GLIS3: variants seen among roughly 807,000 people sequenced by gnomAD.
The protein encoded by GLIS3 is GLIS family zinc finger 3.
Under a neutral mutation model 78.6 loss-of-function variants are expected in GLIS3, and 53 were observed. That is an observed-to-expected ratio of 0.67 (90% CI 0.54 to 0.85). The LOEUF (loss-of-function observed/expected upper bound fraction) is 0.85, where lower values mean the gene tolerates loss of function less well. Ranked by LOEUF, GLIS3 falls within the 40% of genes least tolerant of loss-of-function variation. The pLI is 0.00. For missense variants in GLIS3, 1,703 were observed against 1,231.1 expected (o/e 1.38, Z -5.74); for synonymous variants, 684 against 509.9 (o/e 1.34, Z -4.60).
the GLIS3 span, among the ~76,000 whole-genome samples, chr9:4,404,028 A>G: frequency 6.6e-6 from 1 of 152,202 alleles, no homozygotes; most frequent in Non-Finnish European, 1.5e-5. Flanking sequence ...AAGAGATGGA[A>G]AAAGATAATC....
chr9:4,341,696 T>G (rs1817836285), intron 2 of GLIS3, among the ~76,000 whole-genome samples: 3 of 152,234 alleles, frequency 2.0e-5, no homozygotes, highest in Non-Finnish European at 4.4e-5. Context: ...CCAGCTCTGA[T>G]AACTGTGCCC....
At chr9:4,415,611 A>T in the GLIS3 span, among the ~76,000 whole-genome samples, 1 of 152,174 alleles carries the variant, frequency 6.6e-6, no homozygotes, top group Non-Finnish European at 1.5e-5. Flanking sequence ...AAGCCTGAAA[A>T]AATTGCATAT....
chr9:4,428,524 G>C, the GLIS3 span, among the ~76,000 whole-genome samples: 3 of 148,116 alleles, frequency 2.0e-5, no homozygotes, highest in African/African-American at 7.4e-5. Context: ...CCTAAAGAAG[G>C]GAAAGAATGA....
chr9:4,114,024 G>T (rs558455731), intron 4 of GLIS3, among the ~76,000 whole-genome samples: 2 of 61,242 alleles, frequency 3.3e-5, no homozygotes, highest in Admixed American at 2.2e-4. Flanking sequence ...GGAGGCCCAC[G>T]TTCCCCCAAT....
chr9:4,429,120 A>G, the GLIS3 span, among the ~76,000 whole-genome samples: 1 of 152,178 alleles, frequency 6.6e-6, no homozygotes, highest in Non-Finnish European at 1.5e-5. Flanking sequence ...GCAGTTCCAT[A>G]GCATTCAACC....
chr9:4,165,632 G>T (rs952653625), intron 2 of GLIS3, among the ~76,000 whole-genome samples: 5 of 152,198 alleles, frequency 3.3e-5, no homozygotes, highest in African/African-American at 1.2e-4. Flanking sequence ...CCTGCTCCGG[G>T]CTGATGCCTG....
At chr9:4,265,307 A>T (rs1825891793) in intron 2 of GLIS3, among the ~76,000 whole-genome samples, 1 of 152,014 alleles carries the variant, frequency 6.6e-6, no homozygotes, top group Non-Finnish European at 1.5e-5. Flanking sequence ...AGCATTTCTC[A>T]TGTACCAGGC....
At chr9:3,934,180 G>A (rs746515009) in intron 5 of GLIS3, among the ~76,000 whole-genome samples, 1 of 152,152 alleles carries the variant, frequency 6.6e-6, no homozygotes, top group Non-Finnish European at 1.5e-5. Flanking sequence ...AATCTTTTCT[G>A]AATTTGCATA....
At chr9:4,477,669 C>G in the GLIS3 span, among the ~76,000 whole-genome samples, 2 of 152,152 alleles carry the variant, frequency 1.3e-5, no homozygotes, top group Non-Finnish European at 2.9e-5. Flanking sequence ...CCGCCTGGGC[C>G]TCCCAAAGTG....
chr9:4,359,291 T>C, the GLIS3 span, among the ~76,000 whole-genome samples: 1 of 152,098 alleles, frequency 6.6e-6, no homozygotes, highest in Admixed American at 6.6e-5. Flanking sequence ...AACTGGCATA[T>C]GGCTCATCAG....
chr9:3,963,353 G>C (rs552700491), intron 4 of GLIS3, among the ~76,000 whole-genome samples: 1 of 152,174 alleles, frequency 6.6e-6, no homozygotes, highest in Non-Finnish European at 1.5e-5. Context: ...GGCAGTGAGA[G>C]TATGCTGGAA....
chr9:4,460,012 T>C, the GLIS3 span, among the ~76,000 whole-genome samples: 1 of 152,148 alleles, frequency 6.6e-6, no homozygotes, highest in East Asian at 1.9e-4. Context: ...TAAAAGTTTG[T>C]GCCGCTAAAG....
intron 4 of GLIS3, among the ~76,000 whole-genome samples, chr9:4,028,849 G>C (rs1197894202): frequency 2.6e-5 from 4 of 152,156 alleles, no homozygotes; most frequent in African/African-American, 7.2e-5. Context: ...TAGCAGTGAA[G>C]ATAATAAAGG....
intron 2 of GLIS3, among the ~76,000 whole-genome samples, chr9:4,315,942 T>G (rs923808971): frequency 4.6e-5 from 7 of 152,192 alleles, no homozygotes; most frequent in Admixed American, 2.0e-4. Flanking sequence ...AACACCAAGT[T>G]GTTCACAAAA....
intron 2 of GLIS3, among the ~76,000 whole-genome samples, chr9:4,331,872 A>G (rs1817691332): frequency 6.6e-6 from 1 of 152,188 alleles, no homozygotes; most frequent in African/African-American, 2.4e-5. Context: ...AAGAGAAAAT[A>G]TGATTTATTA....
At chr9:3,862,974 T>G (rs1461988017) in intron 8 of GLIS3, among the ~76,000 whole-genome samples, 1 of 152,144 alleles carries the variant, frequency 6.6e-6, no homozygotes, top group Non-Finnish European at 1.5e-5. Flanking sequence ...AAAATTCATC[T>G]GTGCAAACTA....
chr9:4,298,291 C>T lies in GLIS3; in HGVS notation c.-99+1130G>A, dbSNP rs56728573. On this transcript the variant is annotated intron_variant, in intron 1 of 10. Coordinates refer to ENST00000381971, the MANE Select transcript of GLIS3 (RefSeq NM_001042413.2). ...GCCAGTGTCCTCACCCTGTGGTTTC[C>T]TTTCGCTTCTCGCCTCCCAAACACC... 1,449 of 449,442 alleles carry T rather than the reference C, an allele frequency of 3.2e-3. 17 individuals carry two copies. The highest frequency in any genetic ancestry group is 0.027 in the African/African-American group (1,361 of 49,814). 27.8% of individuals were successfully genotyped at this position (449,442 alleles called of 1,614,324 possible). A position where few individuals can be genotyped will look rare whatever the true frequency, so the allele number is the denominator to read the frequency against.
At chr9:3,869,007 T>C (rs1237357585) in intron 8 of GLIS3, among the ~76,000 whole-genome samples, 1 of 152,156 alleles carries the variant, frequency 6.6e-6, no homozygotes, top group African/African-American at 2.4e-5. Flanking sequence ...TAAACTATGA[T>C]TGCCTATTGG....
At chr9:4,405,232 T>C in the GLIS3 span, among the ~76,000 whole-genome samples, 1 of 151,996 alleles carries the variant, frequency 6.6e-6, no homozygotes, top group Non-Finnish European at 1.5e-5. Flanking sequence ...TGCACGCCTA[T>C]AATCCCAGCT....
Sources: gnomAD v4.1 joint callset for allele counts (sites outside exome capture counted in the v4.1 genomes callset) on GRCh38, gnomAD v4.1.1 for gene constraint, MANE v1.5 for transcripts, NCBI Gene and HGNC (gene_info 2026-07-23, HGNC 2026-07-21) for gene names.